The following ACSM6 variants were observed in gnomAD, a reference collection of about 807,000 sequenced individuals.
ACSM6 encodes acyl-CoA synthetase medium chain family member 6, also known as acyl-coenzyme A synthetase ACSM6, mitochondrial.
ACSM6 carries 35 observed loss-of-function variants against 51.1 expected under a neutral mutation model. The ratio of observed to expected loss-of-function variants is 0.69; its 90% CI spans 0.52 to 0.91. The LOEUF is 0.91. ACSM6 is among the 40% of genes least tolerant of loss of function. The pLI is 0.00. For missense variants in ACSM6, 509 were observed against 584.1 expected, an observed-to-expected ratio of 0.87 and a Z score of 1.32; for synonymous variants, 172 against 207.3, an observed-to-expected ratio of 0.83 and a Z score of 1.46.
intron 2 of ACSM6, among the ~76,000 whole-genome samples, chr10:95,199,902 T>A (rs1310963345): frequency 6.6e-6 from 1 of 152,208 alleles, no homozygotes; most frequent in Non-Finnish European, 1.5e-5. Context: ...ACACTGTTGG[T>A]GGGACTGTAA....
chr10:95,201,852 T>A (rs1164527192), intron 2 of ACSM6, 133 bp from the exon 3 acceptor site: 1 of 691,102 alleles, frequency 1.4e-6, no homozygotes, highest in Admixed American at 2.5e-5. Context: ...TGAGAAACAG[T>A]AGCTCCCCCT....
chr10:95,209,211 C>T (rs2034871011), intron 4 of ACSM6, among the ~76,000 whole-genome samples: 1 of 152,116 alleles, frequency 6.6e-6, no homozygotes, highest in Admixed American at 6.5e-5. Context: ...TCTGAGGGAA[C>T]ACTGTCCCTT....
intron 2 of ACSM6, among the ~76,000 whole-genome samples, chr10:95,199,196 G>A (rs568219938): frequency 4.9e-4 from 75 of 152,178 alleles, no homozygotes; most frequent in Non-Finnish European, 7.2e-4. Context: ...AAATAATGCC[G>A]CATATCTACA....
At chr10:95,212,140 T>G in intron 6 of ACSM6, 106 bp downstream of exon 6, 1 of 1,369,110 alleles carries the variant, frequency 7.3e-7, no homozygotes, top group Non-Finnish European at 1.0e-6. Context: ...AGAGTTAAAT[T>G]TGGAATGTGA....
intron 9 of ACSM6, among the ~76,000 whole-genome samples, chr10:95,220,713 T>C (rs1175456858): frequency 6.6e-6 from 1 of 152,160 alleles, no homozygotes; most frequent in African/African-American, 2.4e-5. Flanking sequence ...TAGAGTTCTA[T>C]TTTTTGTTTT....
chr10:95,195,630 G>C (rs936192096), intron 2 of ACSM6, among the ~76,000 whole-genome samples: 4 of 152,294 alleles, frequency 2.6e-5, no homozygotes, highest in African/African-American at 7.2e-5. Context: ...AGTGCGTGTG[G>C]AGAGTGAGCA....
At chr10:95,220,670 T>C (rs2133390640) in intron 9 of ACSM6, among the ~76,000 whole-genome samples, 1 of 152,314 alleles carries the variant, frequency 6.6e-6, no homozygotes, top group Non-Finnish European at 1.5e-5. Flanking sequence ...CATTCTGAAA[T>C]TGACCCAATT....
intron 2 of ACSM6, among the ~76,000 whole-genome samples, chr10:95,196,968 T>G (rs990014073): frequency 8.5e-5 from 13 of 152,192 alleles, no homozygotes; most frequent in African/African-American, 3.1e-4. Flanking sequence ...TCTTTGTGTA[T>G]CTATATTCTT....
At chr10:95,214,313 T>TC (rs2034922500) in intron 7 of ACSM6, among the ~76,000 whole-genome samples, 1 of 152,170 alleles carries the variant, frequency 6.6e-6, no homozygotes, top group African/African-American at 2.4e-5. Context: ...ACTTGACCCT[T>TC]CCACTGGACA....
At chr10:95,205,282 T>C (rs1305263151) in intron 3 of ACSM6, among the ~76,000 whole-genome samples, 3 of 152,062 alleles carry the variant, frequency 2.0e-5, no homozygotes, top group African/African-American at 7.2e-5. Flanking sequence ...TGGGTTACTA[T>C]AGCAAAATGC....
At chr10:95,224,286 G>A (rs1014944340) in intron 9 of ACSM6, among the ~76,000 whole-genome samples, 9 of 152,174 alleles carry the variant, frequency 5.9e-5, no homozygotes, top group African/African-American at 2.2e-4. Flanking sequence ...GCTTTCCAAG[G>A]TGACAATTTG....
At chr10:95,199,171 A>G (rs531636572) in intron 2 of ACSM6, among the ~76,000 whole-genome samples, 28 of 152,272 alleles carry the variant, frequency 1.8e-4, no homozygotes, top group Admixed American at 1.3e-3. Context: ...CAATGGAACA[A>G]AACAGAGCCC....
At chr10:95,197,144 T>TTTTCA (rs2034734616) in intron 2 of ACSM6, among the ~76,000 whole-genome samples, 1 of 152,316 alleles carries the variant, frequency 6.6e-6, no homozygotes, top group African/African-American at 2.4e-5. Flanking sequence ...ACTCTTGGTA[T>TTTTCA]TTTCATTGTT....
At chr10:95,203,452 A>C (rs2034813593) in intron 3 of ACSM6, among the ~76,000 whole-genome samples, 1 of 152,188 alleles carries the variant, frequency 6.6e-6, no homozygotes, top group African/African-American at 2.4e-5. Flanking sequence ...GTCTCCCACA[A>C]AACCCAGGTG....
chr10:95,208,850 C>A (rs867829107), intron 4 of ACSM6, among the ~76,000 whole-genome samples: 1 of 139,896 alleles, frequency 7.1e-6, no homozygotes. Flanking sequence ...ACATCCCCCA[C>A]GGATAAGGCA....
At chr10:95,200,664 T>A (rs978809286) in intron 2 of ACSM6, among the ~76,000 whole-genome samples, 1 of 151,644 alleles carries the variant, frequency 6.6e-6, no homozygotes, top group Non-Finnish European at 1.5e-5. Flanking sequence ...AGCAATTCTA[T>A]GGGCTGCTCC....
intron 5 of ACSM6, 38 bp from the exon 6 acceptor site, chr10:95,211,840 C>T: frequency 6.4e-7 from 1 of 1,555,338 alleles, no homozygotes; most frequent in Non-Finnish European, 8.7e-7. Flanking sequence ...CTAGTACCAG[C>T]ACGAGAGAAT....
exon 4 of ACSM6, chr10:95,207,303 G>A (rs1432517651): frequency 9.9e-6 from 16 of 1,614,016 alleles, no homozygotes; most frequent in African/African-American, 1.3e-5. Flanking sequence ...GGCTAATGAA[G>A]CTATGGCCCC....
chr10:95,222,460 T>TA (rs1422252290), intron 9 of ACSM6, among the ~76,000 whole-genome samples: 1 of 151,874 alleles, frequency 6.6e-6, no homozygotes, highest in African/African-American at 2.4e-5. Context: ...CCATCTCTAC[T>TA]AAAAATAAAA....
Sources: allele counts gnomAD v4.1 joint callset (sites outside exome capture counted in the v4.1 genomes callset), GRCh38; gene constraint gnomAD v4.1.1; transcripts MANE v1.5; gene names NCBI Gene and HGNC (gene_info 2026-07-23, HGNC 2026-07-21).